The following RIN2 variants were observed in gnomAD, a reference collection of about 807,000 sequenced individuals.
RIN2 encodes RAB5 interacting protein 2.
In RIN2, 36 loss-of-function variants were observed where a neutral mutation model predicts 78.0. The observed-to-expected ratio is 0.46, with a 90% CI of 0.35 to 0.61. The LOEUF (loss-of-function observed/expected upper bound fraction) is 0.61, where lower values mean the gene tolerates loss of function less well. RIN2 is among the 20% of genes least tolerant of loss of function. RIN2 has a pLI of 0.00. For missense variants in RIN2, 1,087 were observed against 1,159.7 expected (o/e 0.94, Z 0.91); for synonymous variants, 466 against 466.8 (o/e 1.00, Z 0.02).
intron 8 of RIN2, 38 bp from the exon 9 acceptor site, chr20:19,974,616 G>A: frequency 6.3e-7 from 1 of 1,583,548 alleles, no homozygotes; most frequent in Non-Finnish European, 8.6e-7. Context: ...TGAGTGTACC[G>A]TATTTACATT....
At chr20:19,956,550 G>T (rs1156257991) in intron 4 of RIN2, 65 bp from the exon 5 acceptor site, 1 of 1,491,242 alleles carries the variant, frequency 6.7e-7, no homozygotes, top group Non-Finnish European at 9.2e-7. Flanking sequence ...AACTTGTAGG[G>T]ACGGTCTCCT....
intron 2 of RIN2, among the ~76,000 whole-genome samples, chr20:19,834,383 A>T (rs2036340870): frequency 6.6e-6 from 1 of 152,206 alleles, no homozygotes; most frequent in Non-Finnish European, 1.5e-5. Flanking sequence ...TTTATGGGGC[A>T]CTTGCTTGGT....
chr20:19,776,789 C>T (rs1231358529), intron 1 of RIN2, among the ~76,000 whole-genome samples: 2 of 151,920 alleles, frequency 1.3e-5, no homozygotes, highest in Non-Finnish European at 2.9e-5. Context: ...GCCTGGAAAC[C>T]CCTTCCCTTC....
intron 4 of RIN2, among the ~76,000 whole-genome samples, chr20:19,955,707 T>C (rs1217780731): frequency 6.6e-6 from 1 of 152,212 alleles, no homozygotes. Context: ...TTATGAGTAA[T>C]GTCGACATGA....
chr20:19,982,876 A>T (rs1171293581), intron 9 of RIN2, among the ~76,000 whole-genome samples: 1 of 152,140 alleles, frequency 6.6e-6, no homozygotes, highest in African/African-American at 2.4e-5. Context: ...CTCCAGGGGG[A>T]GCAACTGTAA....
intron 3 of RIN2, among the ~76,000 whole-genome samples, chr20:19,924,462 T>C (rs79521230): frequency 0.048 from 152 of 3,142 alleles, no homozygotes; most frequent in Middle Eastern, 0.17. Context: ...CTTCATACCC[T>C]CACCTTCATA....
intron 1 of RIN2, among the ~76,000 whole-genome samples, chr20:19,764,918 G>GGTTTTTTTTTTTTTTT (rs2033804608): frequency 2.0e-5 from 1 of 50,362 alleles, no homozygotes; most frequent in Admixed American, 3.9e-4. Context: ...CACTTTCTGC[G>GGTTTTTTTTTTTTTTT]TTTTTTTTTT....
intron 3 of RIN2, among the ~76,000 whole-genome samples, chr20:19,893,160 CA>C (rs2038560411): frequency 6.6e-6 from 1 of 152,140 alleles, no homozygotes; most frequent in South Asian, 2.1e-4. Context: ...AAATCTTTCC[CA>C]AGGAAGCGGA....
At chr20:19,914,381 C>T (rs1178907764) in intron 3 of RIN2, among the ~76,000 whole-genome samples, 2 of 152,160 alleles carry the variant, frequency 1.3e-5, no homozygotes, top group Non-Finnish European at 2.9e-5. Context: ...TGCCTGTCTG[C>T]ACACGCTCTG....
intron 2 of RIN2, among the ~76,000 whole-genome samples, chr20:19,825,544 T>C (rs2122945716): frequency 6.6e-6 from 1 of 152,360 alleles, no homozygotes; most frequent in South Asian, 2.1e-4. Context: ...TCTCACTTCC[T>C]GGGTTCTTTC....
Position 19,975,060 on chromosome 20 carries a change from C to A in RIN2, c.1035C>A (p.Asn345Lys). 1 of 1,613,030 alleles carries A rather than the reference C, an allele frequency of 6.2e-7. No individual in the cohort carries two copies. Residue 345 changes from asparagine to lysine, a missense_variant, in exon 9 of 13, where the codon AAC becomes AAA. By Grantham distance (94) the Asn-to-Lys change is moderately conservative. Coordinates refer to ENST00000255006, the MANE Select transcript of RIN2 (RefSeq NM_018993.4). The surrounding 1 kb of genome is among the most constrained non-coding windows in gnomAD (Gnocchi z 4.9). ...CAGTCAACCATAACAAACATGGGAA[C>A]GTAGCTCTGCCTGGAACGAAACCAA... ...PETVNHNKHG[N>K]VALPGTKPTP...
intron 4 of RIN2, among the ~76,000 whole-genome samples, chr20:19,954,674 C>T (rs2041459701): frequency 1.3e-5 from 2 of 152,080 alleles, no homozygotes; most frequent in Admixed American, 6.5e-5. Context: ...ACACAACAGC[C>T]GCTACATGGA....
chr20:19,964,673 TA>T (rs200145574), intron 6 of RIN2, among the ~76,000 whole-genome samples: 13 of 150,936 alleles, frequency 8.6e-5, no homozygotes, highest in South Asian at 4.2e-4. Context: ...GTTCTGAAGT[TA>T]AAAAAAAAGA....
chr20:19,897,295 G>C (rs548903217), intron 3 of RIN2, among the ~76,000 whole-genome samples: 1 of 152,270 alleles, frequency 6.6e-6, no homozygotes, highest in South Asian at 2.1e-4. Flanking sequence ...TTTTAGTAGA[G>C]ACAGAGTTTC....
chr20:19,906,943 G>GAATA (rs2039244536), intron 3 of RIN2, among the ~76,000 whole-genome samples: 1 of 152,138 alleles, frequency 6.6e-6, no homozygotes, highest in Admixed American at 6.6e-5. Context: ...CGCTAAAACA[G>GAATA]AATACCTGAG....
rs1401297785 is a variant in RIN2 at position 19,975,135 on chromosome 20, A to C, written c.1110A>C (p.Ala370=). Residue 370 remains alanine (A), a synonymous_variant, in exon 9 of 13, where the codon GCA becomes GCC. Transcript: ENST00000255006. This position sits in a 1 kb window ranked among gnomAD's most constrained non-coding sequence, Gnocchi z 4.9. ...RLKKQASFLE[A]EGGAKTLSGG... is the part of the protein sequence containing the mutation. ...AGAAGCAGGCTTCTTTTCTGGAAGC[A>C]GAGGGCGGTGCAAAGACCTTGAGCG... The C allele has an allele frequency of 1.2e-6, 2 of 1,613,270 alleles. No individual in the cohort carries two copies. The highest frequency in any genetic ancestry group is 1.7e-5 in the Admixed American group (1 of 60,036).
chr20:19,851,715 C>G (rs777911635), intron 2 of RIN2, among the ~76,000 whole-genome samples: 1 of 152,074 alleles, frequency 6.6e-6, no homozygotes, highest in Admixed American at 6.6e-5. Flanking sequence ...GAATAGAACT[C>G]TCTTCTCTTG....
intron 4 of RIN2, among the ~76,000 whole-genome samples, chr20:19,953,248 C>T (rs1261247626): frequency 1.3e-5 from 2 of 151,892 alleles, no homozygotes; most frequent in African/African-American, 2.4e-5. Context: ...AAGGCTGCCT[C>T]AGCCTCCTGA....
chr20:19,952,406 T>A (rs961178712), intron 4 of RIN2, among the ~76,000 whole-genome samples: 3 of 152,200 alleles, frequency 2.0e-5, no homozygotes, highest in African/African-American at 7.2e-5. Flanking sequence ...CACATTAGTT[T>A]TTTCCTGAAG....
Sources: gnomAD v4.1 joint callset for allele counts (sites outside exome capture counted in the v4.1 genomes callset) on GRCh38, gnomAD v4.1.1 for gene constraint, Gnocchi (gnomAD v3.1) non-coding constraint, MANE v1.5 for transcripts, NCBI Gene and HGNC (gene_info 2026-07-23, HGNC 2026-07-21) for gene names.